SLC44A1: variants seen among roughly 807,000 people sequenced by gnomAD.
SLC44A1 encodes the protein solute carrier family 44 member 1.
SLC44A1 carries 26 observed loss-of-function variants against 79.3 expected under a neutral mutation model. The observed-to-expected ratio is 0.33, with a 90% CI of 0.24 to 0.46. The LOEUF (loss-of-function observed/expected upper bound fraction) is 0.46. Among genes scored for constraint, SLC44A1 ranks in the 20% least tolerant of loss-of-function variants. SLC44A1 has a pLI of 1.00. For synonymous variants in SLC44A1, 263 were observed against 286.2 expected (o/e 0.92, Z 0.82); for missense variants, 688 against 798.1 (o/e 0.86, Z 1.66).
Position 105,335,672 on chromosome 9 carries a change from G to A in SLC44A1, c.379G>A (p.Asp127Asn), listed in dbSNP as rs745456360. ...AAGGCAAGAACTGAAAACTCTGAGTGATGTTCAGAAGTTTGCAGAGATAAA... is the reference window on the plus strand; with the variant it reads ...AAGGCAAGAACTGAAAACTCTGAGTAATGTTCAGAAGTTTGCAGAGATAAA... ...CPRQELKTLSDVQKFAEINGS... is the reference protein window; with the variant it reads ...CPRQELKTLSNVQKFAEINGS... Residue 127 changes from aspartate to asparagine, a missense_variant, in exon 4 of 16, where the codon GAT becomes AAT. Physicochemically the swap from Asp to Asn is conservative, Grantham distance 23. Transcript: ENST00000374720. 1 of 1,613,570 alleles carries A rather than the reference G, an allele frequency of 6.2e-7. No individual in the cohort carries two copies. Among genetic ancestry groups the A allele is most frequent in the South Asian group, 1.1e-5 (1 of 90,954 alleles).
chr9:105,250,590 TTGA>T (rs1415885473), intron 1 of SLC44A1, among the ~76,000 whole-genome samples: 2 of 152,218 alleles, frequency 1.3e-5, no homozygotes, highest in Non-Finnish European at 2.9e-5. Context: ...CACTTTTCTG[TTGA>T]TCTAAACTAG....
At chr9:105,319,096 C>T (rs1361750730) in intron 3 of SLC44A1, among the ~76,000 whole-genome samples, 1 of 152,056 alleles carries the variant, frequency 6.6e-6, no homozygotes, top group Admixed American at 6.5e-5. Flanking sequence ...AGTGGGTTTG[C>T]CACCCACTTG....
Position 105,395,620 on chromosome 9 carries a change from A to C in SLC44A1, c.*6564A>C, listed in dbSNP as rs913483217. 1 of 985,274 alleles carries C rather than the reference A, an allele frequency of 1.0e-6. No homozygotes were observed. The highest frequency in any genetic ancestry group is 1.7e-5 in the African/African-American group (1 of 57,248). 61.0% of individuals were successfully genotyped at this position (985,274 alleles called of 1,614,324 possible). ...GGGCGTAAGTCCAGTCTAAGTATCTAAATGTGATATGCCCTTTTGTCACAG... is the reference window on the plus strand; with the variant it reads ...GGGCGTAAGTCCAGTCTAAGTATCTCAATGTGATATGCCCTTTTGTCACAG... On this transcript the variant is annotated 3_prime_UTR_variant, in exon 16 of 16. Transcript: ENST00000374720.
chr9:105,401,993 T>C (rs1486763633), downstream of SLC44A1, among the ~76,000 whole-genome samples: 1 of 152,078 alleles, frequency 6.6e-6, no homozygotes. Flanking sequence ...ATTAGCCAGA[T>C]GATGAAGGGG....
chr9:105,342,427 C>T (rs917064222), intron 4 of SLC44A1, among the ~76,000 whole-genome samples: 3 of 152,024 alleles, frequency 2.0e-5, no homozygotes, highest in Admixed American at 6.6e-5. Context: ...TCCACAGCTT[C>T]GGGCATCCAC....
At chr9:105,339,688 A>G (rs879019053) in intron 4 of SLC44A1, among the ~76,000 whole-genome samples, 1 of 152,036 alleles carries the variant, frequency 6.6e-6, no homozygotes, top group African/African-American at 2.4e-5. Context: ...TTACCCAGGC[A>G]TGGTGGCATG....
chr9:105,298,669 A>ATTCCTTC (rs1415843928), intron 1 of SLC44A1, among the ~76,000 whole-genome samples: 2 of 152,154 alleles, frequency 1.3e-5, no homozygotes, highest in Non-Finnish European at 2.9e-5. Context: ...ATCCATTTTG[A>ATTCCTTC]TGGGCATCTT....
chr9:105,392,270 A>G lies in SLC44A1; in HGVS notation c.*3214A>G, dbSNP rs528105333. 5.2e-5 allele frequency: 51 copies of G among 983,874 alleles called. No homozygotes were observed. The South Asian group carries it at 2.1e-3, about 41-fold the overall frequency. The allele number at this position is 983,874 out of a possible 1,614,324, so 60.9% of individuals were successfully genotyped here. ...GATAATTAAGTCCTAAGTCACTACA[A>G]CTTAAGTAGCTTAACTGTATGTTGG... On this transcript the variant is annotated 3_prime_UTR_variant, in exon 16 of 16. Coordinates refer to ENST00000374720, the MANE Select transcript of SLC44A1 (RefSeq NM_080546.5).
At chr9:105,306,488 G>T (rs1344483524) in intron 2 of SLC44A1, among the ~76,000 whole-genome samples, 2 of 151,888 alleles carry the variant, frequency 1.3e-5, no homozygotes, top group Non-Finnish European at 2.9e-5. Flanking sequence ...CTTGTACCGT[G>T]TGAGAAGTCC....
intron 2 of SLC44A1, among the ~76,000 whole-genome samples, chr9:105,309,342 T>C (rs1831114613): frequency 6.6e-6 from 1 of 152,314 alleles, no homozygotes; most frequent in East Asian, 1.9e-4. Flanking sequence ...GTTTAACATC[T>C]CTACGCCTCA....
Position 105,436,334 on chromosome 9 carries a change from C to T in SLC44A1, c.1951-1947C>T, listed in dbSNP as rs529988368. On this transcript the variant is annotated intron_variant, in intron 15 of 15. Coordinates refer to the SLC44A1 transcript ENST00000374724. The stretch of plus-strand genomic sequence containing the variant: ...TGATCATAACCAAGCAACAATCAGT[C>T]AGATGTCAGTCTAATCATAGGTCCT... 5.9e-5 allele frequency among the ~76,000 whole-genome samples: 9 copies of T among 152,312 alleles called. No individual in the cohort carries two copies. In the South Asian group the frequency reaches 1.9e-3, roughly 32 times the overall value.
intron 5 of SLC44A1, among the ~76,000 whole-genome samples, chr9:105,350,275 A>G (rs1245725781): frequency 1.3e-5 from 2 of 152,218 alleles, no homozygotes; most frequent in African/African-American, 4.8e-5. Context: ...GATAGAAAGA[A>G]GGCAAATCTT....
At chr9:105,424,945 T>A (rs1184985126) in intron 15 of SLC44A1, among the ~76,000 whole-genome samples, 2 of 123,880 alleles carry the variant, frequency 1.6e-5, no homozygotes, top group African/African-American at 4.6e-5. Context: ...TAAGACTCCA[T>A]CTCAAAAAAA....
chr9:105,381,737 C>G (rs71494526), intron 13 of SLC44A1, among the ~76,000 whole-genome samples: 2,246 of 152,216 alleles, frequency 0.015, 25 homozygotes, highest in Non-Finnish European at 0.023. Flanking sequence ...TCTTCCAAAG[C>G]TTGGGCAGAC....
At chr9:105,326,493 A>C (rs563460362) in intron 3 of SLC44A1, among the ~76,000 whole-genome samples, 1 of 152,314 alleles carries the variant, frequency 6.6e-6, no homozygotes, top group South Asian at 2.1e-4. Context: ...TAAGCAGGAG[A>C]CAGGCATTGT....
intron 15 of SLC44A1, among the ~76,000 whole-genome samples, chr9:105,436,784 C>T (rs985375231): frequency 3.9e-5 from 6 of 152,084 alleles, no homozygotes; most frequent in Non-Finnish European, 5.9e-5. Flanking sequence ...ATAAGTGGCA[C>T]GTACTAAAAT....
chr9:105,418,552 T>C (rs1346627868), intron 15 of SLC44A1, among the ~76,000 whole-genome samples: 2 of 152,122 alleles, frequency 1.3e-5, no homozygotes, highest in Admixed American at 6.5e-5. Flanking sequence ...TTTTGAGCTG[T>C]TTTGGGTATG....
At chr9:105,250,257 A>C (rs1473183113) in intron 1 of SLC44A1, among the ~76,000 whole-genome samples, 2 of 152,100 alleles carry the variant, frequency 1.3e-5, no homozygotes, top group East Asian at 3.9e-4. Flanking sequence ...ATTTCACACC[A>C]CCATTTTGAA....
At chr9:105,273,599 G>T (rs1256801059) in intron 1 of SLC44A1, among the ~76,000 whole-genome samples, 2 of 152,092 alleles carry the variant, frequency 1.3e-5, no homozygotes, top group Non-Finnish European at 2.9e-5. Flanking sequence ...TTGCAACTGA[G>T]TGAATTTCAT....
Sources: allele counts gnomAD v4.1 joint callset (sites outside exome capture counted in the v4.1 genomes callset), GRCh38; gene constraint gnomAD v4.1.1; transcripts MANE v1.5; gene names NCBI Gene and HGNC (gene_info 2026-07-23, HGNC 2026-07-21).